Variants in ELAVL4 observed in about 807,000 individuals in gnomAD.
The protein encoded by ELAVL4 is ELAV like RNA binding protein 4.
Under a neutral mutation model 35.6 loss-of-function variants are expected in ELAVL4, and 1 was observed. That is an observed-to-expected ratio of 0.03 (90% CI 0.01 to 0.13). The LOEUF (loss-of-function observed/expected upper bound fraction) is 0.13. Ranked by LOEUF, ELAVL4 falls within the 10% of genes least tolerant of loss-of-function variation. ELAVL4 has a pLI of 1.00. For missense variants in ELAVL4, 267 were observed against 464.9 expected (o/e 0.57, Z 3.91); for synonymous variants, 156 against 171.0 (o/e 0.91, Z 0.69).
At chr1:50,049,979 G>A (rs1663268576) in intron 1 of ELAVL4, among the ~76,000 whole-genome samples, 2 of 152,178 alleles carry the variant, frequency 1.3e-5, no homozygotes, top group South Asian at 4.1e-4. Flanking sequence ...CTTACTGTGT[G>A]CTTTGGGTTG....
intron 1 of ELAVL4, among the ~76,000 whole-genome samples, chr1:50,062,620 A>C: frequency 6.6e-6 from 1 of 152,192 alleles, no homozygotes; most frequent in East Asian, 1.9e-4. Context: ...AATGAGGAGA[A>C]TCATTTGTTT....
upstream of ELAVL4, among the ~76,000 whole-genome samples, chr1:50,107,959 C>T (rs1666486224): frequency 6.6e-6 from 1 of 152,140 alleles, no homozygotes; most frequent in Non-Finnish European, 1.5e-5. Context: ...AAAGACATCC[C>T]TTTGAAGGAG....
At chr1:50,072,468 T>C (rs1664574895) in intron 1 of ELAVL4, among the ~76,000 whole-genome samples, 1 of 152,210 alleles carries the variant, frequency 6.6e-6, no homozygotes. Context: ...CTCACTGTTT[T>C]ATGAGACAGA....
At chr1:50,130,311 G>A (rs12567123) in intron 1 of ELAVL4, among the ~76,000 whole-genome samples, 56,270 of 151,938 alleles carry the variant, frequency 0.37, 10,991 homozygotes, top group East Asian at 0.77. Flanking sequence ...TTCAGCCTTG[G>A]GTTCAAGTTA....
At chr1:50,084,868 C>T (rs1212840595) in intron 1 of ELAVL4, among the ~76,000 whole-genome samples, 2 of 152,084 alleles carry the variant, frequency 1.3e-5, no homozygotes, top group Admixed American at 1.3e-4. Context: ...TATAACTTAC[C>T]ATTAGTTCAT....
chr1:50,139,438 C>G (rs959935165), intron 1 of ELAVL4, among the ~76,000 whole-genome samples: 1 of 152,176 alleles, frequency 6.6e-6, no homozygotes, highest in Non-Finnish European at 1.5e-5. Context: ...TTTAAAATTA[C>G]AGGGTTGGGC....
chr1:50,109,398 T>C (rs1217684901), intron 1 of ELAVL4, among the ~76,000 whole-genome samples, 200 bp downstream of exon 1: 1 of 152,148 alleles, frequency 6.6e-6, no homozygotes, highest in Non-Finnish European at 1.5e-5. Context: ...TTGTCATTTT[T>C]AGCAAGTCGT....
At chr1:50,123,993 T>G (rs1463436949) in intron 1 of ELAVL4, among the ~76,000 whole-genome samples, 1 of 152,132 alleles carries the variant, frequency 6.6e-6, no homozygotes, top group African/African-American at 2.4e-5. Flanking sequence ...ATCTTTATGC[T>G]TGGCACCAAG....
intron 1 of ELAVL4, among the ~76,000 whole-genome samples, chr1:50,114,567 G>T (rs1010874750): frequency 6.6e-6 from 1 of 152,134 alleles, no homozygotes. Flanking sequence ...AGACAAGAGT[G>T]TAGAAGAGTA....
At chr1:50,073,696 A>G (rs915329233) in intron 1 of ELAVL4, among the ~76,000 whole-genome samples, 2 of 152,188 alleles carry the variant, frequency 1.3e-5, no homozygotes, top group African/African-American at 4.8e-5. Context: ...TTAACATGAA[A>G]TGTTAACTTT....
intron 2 of ELAVL4, among the ~76,000 whole-genome samples, chr1:50,152,382 C>T (rs1371444122): frequency 1.3e-5 from 2 of 151,986 alleles, no homozygotes; most frequent in African/African-American, 4.8e-5. Context: ...GACCAATTCC[C>T]TGTTCACGCA....
intron 1 of ELAVL4, among the ~76,000 whole-genome samples, chr1:50,075,937 C>T (rs1664742885): frequency 6.6e-6 from 1 of 152,138 alleles, no homozygotes; most frequent in African/African-American, 2.4e-5. Context: ...AAGCGATTCT[C>T]ATGCCTCAGC....
At chr1:50,089,476 G>T (rs769680571) in intron 1 of ELAVL4, among the ~76,000 whole-genome samples, 14 of 152,170 alleles carry the variant, frequency 9.2e-5, no homozygotes, top group Admixed American at 2.0e-4. Context: ...TTTCTGGCTA[G>T]GTGTGGTGAC....
chr1:50,133,604 AAAGAAAG>A, intron 1 of ELAVL4, among the ~76,000 whole-genome samples: 3 of 94,092 alleles, frequency 3.2e-5, no homozygotes, highest in South Asian at 3.3e-4. Context: ...GAAAGAAAAG[AAAGAAAG>A]AAAGAAAGAA....
intron 1 of ELAVL4, among the ~76,000 whole-genome samples, chr1:50,069,578 AC>A (rs1299968184): frequency 6.6e-6 from 1 of 152,082 alleles, no homozygotes; most frequent in African/African-American, 2.4e-5. Flanking sequence ...TTCCCCTACA[AC>A]CTTGCAATTT....
At chr1:50,057,731 G>A (rs1045516313) in intron 1 of ELAVL4, among the ~76,000 whole-genome samples, 2 of 152,156 alleles carry the variant, frequency 1.3e-5, no homozygotes, top group African/African-American at 4.8e-5. Flanking sequence ...TAGGCTTTGT[G>A]TAAGTGCATT....
At chr1:50,162,636 T>G (rs952410976) in intron 2 of ELAVL4, among the ~76,000 whole-genome samples, 1 of 152,100 alleles carries the variant, frequency 6.6e-6, no homozygotes, top group Non-Finnish European at 1.5e-5. Context: ...CAGGCTGGAG[T>G]GCAGTGGTGT....
intron 1 of ELAVL4, among the ~76,000 whole-genome samples, chr1:50,117,133 T>C (rs1036928561): frequency 3.3e-5 from 5 of 152,160 alleles, no homozygotes; most frequent in Non-Finnish European, 7.4e-5. Context: ...TTCTCTGTTT[T>C]AGGTGACTTT....
intron 1 of ELAVL4, chr1:50,048,188 A>C (rs2148465053): frequency 6.6e-7 from 1 of 1,521,406 alleles, no homozygotes; most frequent in South Asian, 1.2e-5. Flanking sequence ...ACCAGGTAGA[A>C]GCGCCTCGGC....
Sources: gnomAD v4.1 joint callset for allele counts (sites outside exome capture counted in the v4.1 genomes callset) on GRCh38, gnomAD v4.1.1 for gene constraint, MANE v1.5 for transcripts, NCBI Gene and HGNC (gene_info 2026-07-23, HGNC 2026-07-21) for gene names.